The following WDFY4 variants were observed in gnomAD, a reference collection of about 807,000 sequenced individuals.
WDFY4 encodes the protein WD repeat- and FYVE domain-containing protein 4.
A neutral mutation model predicts 351.9 loss-of-function variants in WDFY4; 169 were observed. The observed-to-expected ratio is 0.48, with a 90% CI of 0.42 to 0.55. The LOEUF (loss-of-function observed/expected upper bound fraction) is 0.55. Ranked by LOEUF, WDFY4 falls within the 20% of genes least tolerant of loss-of-function variation. WDFY4 has a pLI of 0.00. For missense variants in WDFY4, 3,803 were observed against 3,935.6 expected (o/e 0.97, Z 0.90); for synonymous variants, 1,622 against 1,574.6 (o/e 1.03, Z -0.71).
At chr10:48,980,005 C>T (rs1842743676) in intron 60 of WDFY4, 1 of 152,170 alleles carries the variant, frequency 6.6e-6, no homozygotes, top group South Asian at 2.1e-4. Context: ...CTGGACACAG[C>T]AGCTGATGGC....
At chr10:48,931,924 A>G (rs1840035489) in intron 47 of WDFY4, among the ~76,000 whole-genome samples, 2 of 152,196 alleles carry the variant, frequency 1.3e-5, no homozygotes, top group African/African-American at 4.8e-5. Flanking sequence ...CAGCTTCTAG[A>G]TAGGATGGCC....
chr10:48,709,564 A>T (rs1690897392), intron 1 of WDFY4, 152 bp from the exon 2 acceptor site: 3 of 663,998 alleles, frequency 4.5e-6, no homozygotes, highest in South Asian at 3.9e-5. Context: ...TCCCCTTTTT[A>T]AAAAGGCTTC....
intron 12 of WDFY4, among the ~76,000 whole-genome samples, chr10:48,749,391 A>C (rs2065111937): frequency 6.6e-6 from 1 of 151,882 alleles, no homozygotes; most frequent in South Asian, 2.1e-4. Context: ...CACCTTACAC[A>C]TACTGGCATA....
chr10:48,867,276 A>T lies in WDFY4; in HGVS notation c.6675A>T (p.Ser2225=), dbSNP rs746650603. The change falls in exon 40 of 62, where the codon TCA becomes TCT. Residue 2225 remains serine (S), a synonymous_variant. Transcript: ENST00000325239. ...DPECKTEDFV[S]CIENYRRRGQ... ...TCTCCTTTCTCCAGGATTTTGTGTC[A>T]TGTATAGAGAACTACAGAAGAAGAG... The T allele has an allele frequency of 6.9e-7, 1 of 1,444,042 alleles. No individual in the cohort carries two copies. The highest frequency in any genetic ancestry group is 1.6e-5 in the South Asian group (1 of 62,816). 89.5% of individuals were successfully genotyped at this position (1,444,042 alleles called of 1,614,324 possible).
rs934938101 is a variant in WDFY4 at position 48,828,911 on chromosome 10, T to C, written c.6340+15T>C. ...TTTGAGTGATGGTACATTTTATTTG[T>C]CATTGTGTGTGTGGGCGGGGGGGGG... On this transcript the variant is annotated intron_variant, in intron 37 of 61. Coordinates refer to ENST00000325239, the MANE Select transcript of WDFY4 (RefSeq NM_001394531.1). 10 of 392,124 alleles carry C rather than the reference T, an allele frequency of 2.6e-5. No individual in the cohort carries two copies. The highest frequency in any genetic ancestry group is 6.4e-5 in the Admixed American group (1 of 15,746). 24.3% of individuals were successfully genotyped at this position (392,124 alleles called of 1,614,324 possible). A position where few individuals can be genotyped will look rare whatever the true frequency, so the allele number is the denominator to read the frequency against.
intron 1 of WDFY4, among the ~76,000 whole-genome samples, chr10:48,706,069 C>T (rs2063618597): frequency 6.6e-6 from 1 of 152,144 alleles, no homozygotes; most frequent in Admixed American, 6.5e-5. Flanking sequence ...TTTCAGAGTC[C>T]TGGGGAAATC....
chr10:48,872,717 G>A (rs182486525), intron 40 of WDFY4, among the ~76,000 whole-genome samples: 2 of 152,306 alleles, frequency 1.3e-5, no homozygotes, highest in Admixed American at 1.3e-4. Context: ...CAGGTTGGGG[G>A]TATCTATGTA....
At chr10:48,966,796 C>T (rs979722813) in intron 55 of WDFY4, 123 bp downstream of exon 55, 25 of 1,308,434 alleles carry the variant, frequency 1.9e-5, no homozygotes, top group Non-Finnish European at 4.1e-6. Flanking sequence ...CTTTGAATGG[C>T]TGCATCTCCA....
chr10:48,728,349 C>T (rs536305272), intron 7 of WDFY4, among the ~76,000 whole-genome samples: 4 of 152,316 alleles, frequency 2.6e-5, no homozygotes, highest in Admixed American at 6.5e-5. Context: ...GTATCATCTT[C>T]GAGTGGGGCC....
chr10:48,758,817 C>T (rs1171262486), intron 12 of WDFY4, among the ~76,000 whole-genome samples: 3 of 152,086 alleles, frequency 2.0e-5, no homozygotes, highest in African/African-American at 7.2e-5. Context: ...ACTCTTACTT[C>T]TTGGAATTGG....
intron 57 of WDFY4, among the ~76,000 whole-genome samples, chr10:48,972,961 A>G (rs1253478118): frequency 1.3e-5 from 2 of 152,210 alleles, no homozygotes; most frequent in Non-Finnish European, 2.9e-5. Flanking sequence ...TGAAGCTGCT[A>G]TCTCTTCCTT....
chr10:48,902,410 G>T (rs1837404403), intron 47 of WDFY4, among the ~76,000 whole-genome samples: 1 of 152,160 alleles, frequency 6.6e-6, no homozygotes. Flanking sequence ...GGGATCAGTA[G>T]GTGTTTTTAT....
At chr10:48,832,762 C>T in intron 39 of WDFY4, 53 bp downstream of exon 39, 3 of 1,464,560 alleles carry the variant, frequency 2.0e-6, no homozygotes, top group Non-Finnish European at 2.7e-6. Context: ...GCTTCAAACC[C>T]CATGAGTCAT....
intron 55 of WDFY4, chr10:48,968,669 A>G: frequency 4.9e-6 from 1 of 204,642 alleles, no homozygotes; most frequent in South Asian, 1.0e-4. Flanking sequence ...TCTCTACTCC[A>G]TGGGAAGAGG....
chr10:48,897,351 G>A, intron 44 of WDFY4, 103 bp from the exon 45 acceptor site: 1 of 1,465,322 alleles, frequency 6.8e-7, no homozygotes, highest in South Asian at 1.3e-5. Context: ...TGTGTCATTG[G>A]AAATGTGGGT....
At chr10:48,958,322 A>G (rs1402475037) in intron 52 of WDFY4, among the ~76,000 whole-genome samples, 3 of 152,224 alleles carry the variant, frequency 2.0e-5, no homozygotes, top group African/African-American at 7.2e-5. Flanking sequence ...TGAGAAGTGA[A>G]CAAATTCAAA....
chr10:48,965,079 T>C (rs1280558332), intron 54 of WDFY4, among the ~76,000 whole-genome samples: 1 of 152,210 alleles, frequency 6.6e-6, no homozygotes, highest in Non-Finnish European at 1.5e-5. Flanking sequence ...GAAATAAGCC[T>C]GTTAGCCTAA....
chr10:48,698,032 C>G (rs982502096), intron 1 of WDFY4, among the ~76,000 whole-genome samples: 1 of 152,192 alleles, frequency 6.6e-6, no homozygotes, highest in Non-Finnish European at 1.5e-5. Flanking sequence ...TGCCCCAGCT[C>G]TTGAGATGGC....
chr10:48,758,428 C>T (rs946774651), intron 12 of WDFY4, among the ~76,000 whole-genome samples: 1 of 152,094 alleles, frequency 6.6e-6, no homozygotes, highest in African/African-American at 2.4e-5. Flanking sequence ...TTTTGCTAAG[C>T]TTCTTGAATC....
Sources: gnomAD v4.1 joint callset for allele counts (sites outside exome capture counted in the v4.1 genomes callset) on GRCh38, gnomAD v4.1.1 for gene constraint, MANE v1.5 for transcripts, NCBI Gene and HGNC (gene_info 2026-07-23, HGNC 2026-07-21) for gene names.